ERBB4: variants seen among roughly 807,000 people sequenced by gnomAD.
ERBB4 encodes the protein erb-b2 receptor tyrosine kinase 4.
In ERBB4, 42 loss-of-function variants were observed where a neutral mutation model predicts 158.0. The ratio of observed to expected loss-of-function variants is 0.27; its 90% CI spans 0.21 to 0.34. The LOEUF (loss-of-function observed/expected upper bound fraction) is 0.34. Ranked by LOEUF, ERBB4 falls within the 10% of genes least tolerant of loss-of-function variation. ERBB4 has a pLI of 1.00. For missense variants in ERBB4, 1,333 were observed against 1,624.1 expected, an observed-to-expected ratio of 0.82 and a Z score of 3.08; for synonymous variants, 583 against 558.7, an observed-to-expected ratio of 1.04 and a Z score of -0.61.
chr2:212,503,156 T>C (rs963015162), intron 1 of ERBB4, among the ~76,000 whole-genome samples: 1 of 152,230 alleles, frequency 6.6e-6, no homozygotes, highest in Admixed American at 6.5e-5. Context: ...TGCATTGAAC[T>C]GTTAGTAATG....
At chr2:212,257,961 A>T (rs1239390472) in intron 1 of ERBB4, among the ~76,000 whole-genome samples, 1 of 152,030 alleles carries the variant, frequency 6.6e-6, no homozygotes, top group Non-Finnish European at 1.5e-5. Flanking sequence ...AAATATCCTG[A>T]CTCTTTCACA....
At chr2:211,767,543 T>A (rs2075581044) in intron 4 of ERBB4, among the ~76,000 whole-genome samples, 1 of 152,174 alleles carries the variant, frequency 6.6e-6, no homozygotes, top group South Asian at 2.1e-4. Flanking sequence ...AAAAGAGATT[T>A]AATTGACTGA....
rs1486330856 is a variant in ERBB4, at chr2:211,377,673, C to T, written c.*5942G>A. ...ATTTACAGCAGCTACAAAATATTTA[C>T]GATTAGGAACCAAATAAGATGAATA... On this transcript the variant is annotated 3_prime_UTR_variant, in exon 28 of 28. Transcript: ENST00000342788. The T allele has an allele frequency of 2.2e-5, 5 of 232,180 alleles. No homozygotes were observed. In the South Asian group the frequency reaches 7.3e-4, roughly 34 times the overall value. 14.4% of individuals were successfully genotyped at this position (232,180 alleles called of 1,614,324 possible). A position where few individuals can be genotyped will look rare whatever the true frequency, so the allele number is the denominator to read the frequency against.
At chr2:211,509,960 G>A (rs2065848236) in intron 20 of ERBB4, among the ~76,000 whole-genome samples, 1 of 152,072 alleles carries the variant, frequency 6.6e-6, no homozygotes, top group Admixed American at 6.5e-5. Context: ...TATTGAGGCT[G>A]AAGAGAAAAG....
intron 1 of ERBB4, among the ~76,000 whole-genome samples, chr2:212,373,235 G>T (rs75311519): frequency 0.015 from 2,331 of 152,170 alleles, 85 homozygotes; most frequent in East Asian, 0.099. Context: ...ATTAGGTAGA[G>T]AGTACAAAGT....
chr2:212,410,736 C>T (rs2091473766), intron 1 of ERBB4, among the ~76,000 whole-genome samples: 2 of 151,892 alleles, frequency 1.3e-5, no homozygotes, highest in Admixed American at 6.6e-5. Context: ...ATATTACTTC[C>T]CCCTTCATAC....
At chr2:212,072,848 T>C (rs567227925) in intron 2 of ERBB4, among the ~76,000 whole-genome samples, 2 of 152,026 alleles carry the variant, frequency 1.3e-5, no homozygotes, top group Admixed American at 1.3e-4. Flanking sequence ...AGAAATGGGA[T>C]TTAATCAGAT....
intron 12 of ERBB4, among the ~76,000 whole-genome samples, chr2:211,682,990 A>T (rs1179010296): frequency 6.6e-6 from 1 of 151,258 alleles, no homozygotes; most frequent in East Asian, 1.9e-4. Flanking sequence ...TAAATTGATT[A>T]TTAAAATGAT....
intron 1 of ERBB4, among the ~76,000 whole-genome samples, chr2:212,337,529 G>A (rs1050921282): frequency 1.3e-5 from 2 of 151,976 alleles, no homozygotes; most frequent in African/African-American, 4.8e-5. Flanking sequence ...TTACAATGTC[G>A]ATTACACTTT....
intron 1 of ERBB4, among the ~76,000 whole-genome samples, chr2:212,383,617 C>G (rs1236296117): frequency 6.6e-6 from 1 of 151,544 alleles, no homozygotes; most frequent in South Asian, 2.1e-4. Flanking sequence ...AGAGACAAAG[C>G]ATACCAAACA....
At chr2:211,659,123 A>G (rs1236104859) in intron 15 of ERBB4, among the ~76,000 whole-genome samples, 1 of 152,146 alleles carries the variant, frequency 6.6e-6, no homozygotes, top group Non-Finnish European at 1.5e-5. Context: ...TTATATATTT[A>G]AATAACTCTA....
intron 3 of ERBB4, among the ~76,000 whole-genome samples, chr2:211,869,189 C>T (rs1162487311): frequency 1.3e-5 from 2 of 152,172 alleles, no homozygotes; most frequent in East Asian, 3.8e-4. Context: ...TCCTGATACA[C>T]AGCACAGCAT....
chr2:212,236,157 T>G (rs1313052439), intron 1 of ERBB4, among the ~76,000 whole-genome samples: 1 of 152,216 alleles, frequency 6.6e-6, no homozygotes, highest in Non-Finnish European at 1.5e-5. Context: ...ACTAGTTTAT[T>G]GAGAGTTTTT....
chr2:211,692,437 T>C (rs1184844937), intron 12 of ERBB4, among the ~76,000 whole-genome samples: 1 of 152,182 alleles, frequency 6.6e-6, no homozygotes, highest in African/African-American at 2.4e-5. Context: ...CAAACTTCAT[T>C]GCTTAAAAAC....
At chr2:212,191,540 CACATGTGTTATGCCTGTTAT>C (rs1559700989) in intron 1 of ERBB4, among the ~76,000 whole-genome samples, 3 of 82,830 alleles carry the variant, frequency 3.6e-5, no homozygotes, top group East Asian at 5.3e-4. Flanking sequence ...TTATATATAA[CACATGTGTTATGCCTGTTAT>C]ATATAACACA....
At position 212,355,299 on chromosome 2, in the gene ERBB4, A is replaced by G. The variant is rs1166583800; in HGVS notation, c.82+183150T>C. Among the ~76,000 whole-genome samples the G allele has an allele frequency of 5.3e-5, 8 of 152,052 alleles. No individual in the cohort carries two copies. In the Admixed American group the frequency reaches 5.3e-4, roughly 10 times the overall value. On this transcript the variant is annotated intron_variant, in intron 1 of 27. Coordinates refer to ENST00000342788, the MANE Select transcript of ERBB4 (RefSeq NM_005235.3). ...TATCTAGACCCTAGGGTTTTGTACT[A>G]CAGTATTGGGCTATAAGCAAACTAT...
chr2:212,146,726 A>G lies in ERBB4; in HGVS notation c.83-21823T>C, dbSNP rs150175851. Among the ~76,000 whole-genome samples, 90 of 152,296 alleles carry G rather than the reference A, an allele frequency of 5.9e-4. No homozygotes were observed. In the Middle Eastern group the frequency reaches 0.014, roughly 23 times the overall value. On this transcript the variant is annotated intron_variant, in intron 1 of 27. Coordinates refer to ENST00000342788, the MANE Select transcript of ERBB4 (RefSeq NM_005235.3). ...ACTCTATTTAATGTTTATTTAATTAACAGTGCACAAACACCAATTCTGTGA... is the reference window on the plus strand; with the variant it reads ...ACTCTATTTAATGTTTATTTAATTAGCAGTGCACAAACACCAATTCTGTGA...
intron 2 of ERBB4, among the ~76,000 whole-genome samples, chr2:211,958,578 C>G (rs539680832): frequency 1.3e-5 from 2 of 152,066 alleles, no homozygotes; most frequent in African/African-American, 4.8e-5. Context: ...AAATAACTTG[C>G]CCAAAGTCAT....
intron 1 of ERBB4, among the ~76,000 whole-genome samples, chr2:212,519,004 T>C (rs985759580): frequency 1.3e-5 from 2 of 151,934 alleles, no homozygotes; most frequent in Non-Finnish European, 2.9e-5. Flanking sequence ...AAAAATGTTA[T>C]ATGGGACTAT....
Sources: gnomAD v4.1 joint callset for allele counts (sites outside exome capture counted in the v4.1 genomes callset) on GRCh38, gnomAD v4.1.1 for gene constraint, MANE v1.5 for transcripts, NCBI Gene and HGNC (gene_info 2026-07-23, HGNC 2026-07-21) for gene names.